Variants in ENDOU observed in about 807,000 individuals in gnomAD.
The protein encoded by ENDOU is endonuclease, poly(U) specific.
Under a neutral mutation model 54.2 loss-of-function variants are expected in ENDOU, and 49 were observed. The observed-to-expected ratio is 0.90, with a 90% CI of 0.72 to 1.15. The LOEUF (loss-of-function observed/expected upper bound fraction) is 1.15. Among genes scored for constraint, ENDOU ranks in the 50% most tolerant of loss-of-function variants. The pLI, the probability that ENDOU is intolerant of heterozygous loss-of-function variation, is 0.00. For synonymous variants in ENDOU, 172 were observed against 190.5 expected, an observed-to-expected ratio of 0.90 and a Z score of 0.80; for missense variants, 458 against 511.4, an observed-to-expected ratio of 0.90 and a Z score of 1.01.
chr12:47,723,568 C>T (rs568198806), intron 1 of ENDOU, among the ~76,000 whole-genome samples: 1 of 152,264 alleles, frequency 6.6e-6, no homozygotes, highest in East Asian at 1.9e-4. Context: ...TCAGATTCTC[C>T]CTCCATTCCC....
rs774424563 is a variant in ENDOU at position 47,710,572 on chromosome 12, G to C, written c.*230C>G. 16 of 461,334 alleles carry C rather than the reference G, an allele frequency of 3.5e-5. No homozygotes were observed. The highest frequency in any genetic ancestry group is 6.0e-4 in the Middle Eastern group (1 of 1,664). The allele number at this position is 461,334 out of a possible 1,614,324, so 28.6% of individuals were successfully genotyped here. A position where few individuals can be genotyped will look rare whatever the true frequency, so the allele number is the denominator to read the frequency against. On this transcript the variant is annotated 3_prime_UTR_variant, in exon 10 of 10. Transcript: ENST00000422538. ...TTCTCTGCTTGGACTCTGTTTCTTA[G>C]TCAACATTGCCAAAATTCTAGAGGA...
chr12:47,712,442 G>T, intron 8 of ENDOU, 74 bp downstream of exon 8: 2 of 1,183,490 alleles, frequency 1.7e-6, no homozygotes, highest in Non-Finnish European at 2.5e-6. Flanking sequence ...TGAGAGGCAA[G>T]TCGACAGTTT....
Position 47,710,363 on chromosome 12 carries a change from GAAC to G in ENDOU, c.*436_*438del, listed in dbSNP as rs1258603365. ...AATTTCTATCAGCTGTTCTTCCTAAGAACAACTGAAAACACCTTCACAGTAAAA... is the reference window on the plus strand; with the variant it reads ...AATTTCTATCAGCTGTTCTTCCTAAGAACTGAAAACACCTTCACAGTAAAA... On this transcript the variant is annotated 3_prime_UTR_variant, in exon 10 of 10. Transcript: ENST00000422538. The G allele has an allele frequency of 6.5e-6, 1 of 153,878 alleles. No homozygotes were observed. Among genetic ancestry groups the G allele is most frequent in the African/African-American group, 2.4e-5 (1 of 41,428 alleles). 9.5% of individuals were successfully genotyped at this position (153,878 alleles called of 1,614,324 possible).
chr12:47,717,295 G>A (rs755466229), intron 4 of ENDOU, among the ~76,000 whole-genome samples: 32 of 152,206 alleles, frequency 2.1e-4, no homozygotes, highest in Non-Finnish European at 2.9e-4. Flanking sequence ...GGGGTCTCAC[G>A]CTTGAGCATG....
chr12:47,711,690 C>T lies in ENDOU; in HGVS notation c.1058G>A (p.Ser353Asn). 3.1e-6 allele frequency: 5 copies of T among 1,614,178 alleles called. No individual in the cohort carries two copies. The highest frequency in any genetic ancestry group is 4.2e-6 in the Non-Finnish European group (5 of 1,180,028). The change falls in exon 9 of 10, where the codon AGC becomes AAC. Residue 353 changes from serine (S) to asparagine (N), a missense_variant. Physicochemically the swap from Ser to Asn is conservative, Grantham distance 46. Transcript: ENST00000422538. Reference protein sequence around the residue: ...KEVGSAFIGSSPEFEFALYSL... With the variant: ...KEVGSAFIGSNPEFEFALYSL... ...GTAGAGTGCAAACTCAAACTCAGGG[C>T]TGCTGCCGATGAAAGCAGAGCCCAC... is the stretch of plus-strand genomic sequence containing the variant.
rs753849248 is a variant in ENDOU, at chr12:47,712,515, C to T, written c.972+1G>A. On this transcript the variant is annotated splice_donor_variant, in intron 8 of 9. Transcript: ENST00000422538. LOFTEE classifies it high-confidence loss of function. ...AAGGCTTTTCTAGTCCGTGTACTCA[C>T]AGGCCCATCGTAGATGTGACTGTAA... The T allele has an allele frequency of 7.5e-6, 12 of 1,608,812 alleles. No individual in the cohort carries two copies. The South Asian group carries it at 1.3e-4, about 18-fold the overall frequency.
chr12:47,713,154 G>T (rs1940095389), intron 7 of ENDOU, 121 bp downstream of exon 7: 1 of 712,048 alleles, frequency 1.4e-6, no homozygotes, highest in South Asian at 1.6e-5. Context: ...AGAGTGCGTG[G>T]GTCCCTCCCT....
chr12:47,712,852 T>C (rs145937748), intron 7 of ENDOU, among the ~76,000 whole-genome samples: 108 of 152,238 alleles, frequency 7.1e-4, no homozygotes, highest in Middle Eastern at 6.8e-3. Flanking sequence ...GTGATCCTGA[T>C]GACCTCTCTC....
At chr12:47,724,779 ATTC>A (rs1433808328) in intron 1 of ENDOU, among the ~76,000 whole-genome samples, 1 of 152,140 alleles carries the variant, frequency 6.6e-6, no homozygotes, top group Non-Finnish European at 1.5e-5. Flanking sequence ...TCCCTTCTGT[ATTC>A]TTCAATTCTC....
intron 1 of ENDOU, among the ~76,000 whole-genome samples, chr12:47,721,119 A>G (rs1940420575): frequency 6.6e-6 from 1 of 152,152 alleles, no homozygotes; most frequent in South Asian, 2.1e-4. Flanking sequence ...CCAAATCCCT[A>G]TTTGGGTTAG....
chr12:47,710,977 G>T, intron 9 of ENDOU, 58 bp from the exon 10 acceptor site: 1 of 1,204,964 alleles, frequency 8.3e-7, no homozygotes, highest in Non-Finnish European at 1.2e-6. Flanking sequence ...CCTCTCCCTG[G>T]GCTGGAAGGA....
At chr12:47,712,058 C>A (rs1482225719) in intron 8 of ENDOU, among the ~76,000 whole-genome samples, 1 of 152,150 alleles carries the variant, frequency 6.6e-6, no homozygotes, top group Non-Finnish European at 1.5e-5. Context: ...TATCACTGTT[C>A]CCAGTGGCCC....
intron 1 of ENDOU, among the ~76,000 whole-genome samples, chr12:47,722,559 A>G (rs931546069): frequency 4.6e-5 from 7 of 152,216 alleles, no homozygotes; most frequent in African/African-American, 1.2e-4. Context: ...AACGGTGGCA[A>G]TATTTCATGC....
rs965249433 is a variant in ENDOU, at chr12:47,713,161, C to T, written c.865+114G>A. The T allele has an allele frequency of 5.9e-5, 44 of 749,364 alleles. 1 individual carries two copies. The highest frequency in any genetic ancestry group is 1.0e-4 in the Non-Finnish European group (43 of 427,736). The allele number at this position is 749,364 out of a possible 1,614,324, so 46.4% of individuals were successfully genotyped here. On this transcript the variant is annotated intron_variant, in intron 7 of 9. Coordinates refer to ENST00000422538, the MANE Select transcript of ENDOU (RefSeq NM_001172439.2). ...GGCAGGGGAGAGTGCGTGGGTCCCT[C>T]CCTACTAGCTGGCTGGACTGCTGAT...
intron 1 of ENDOU, among the ~76,000 whole-genome samples, chr12:47,724,173 G>A (rs1477335248): frequency 1.3e-5 from 2 of 152,104 alleles, no homozygotes; most frequent in Non-Finnish European, 2.9e-5. Context: ...TGCCAAGCCC[G>A]CTGGCCACCC....
In ENDOU at chr12:47,716,149, T is replaced by C. The variant is rs1283179071; in HGVS notation, c.751+151A>G. ...TCCTAACCTCTCCTTGGCTTCCCCC[T>C]GGCCTCATCCCTCATCCCTCCCAGA... is the stretch of plus-strand genomic sequence containing the variant. On this transcript the variant is annotated intron_variant, in intron 6 of 9. Coordinates refer to ENST00000422538, the MANE Select transcript of ENDOU (RefSeq NM_001172439.2). 4.5e-5 allele frequency: 34 copies of C among 763,970 alleles called. No individual in the cohort carries two copies. In the East Asian group the frequency reaches 8.4e-4, roughly 19 times the overall value. The allele number at this position is 763,970 out of a possible 1,614,324, so 47.3% of individuals were successfully genotyped here.
At chr12:47,721,492 C>A (rs1035241914) in intron 1 of ENDOU, among the ~76,000 whole-genome samples, 3 of 152,146 alleles carry the variant, frequency 2.0e-5, no homozygotes, top group Non-Finnish European at 4.4e-5. Flanking sequence ...ATGTTATTTG[C>A]TTCTTTGCTC....
chr12:47,724,206 C>A (rs1464100337), intron 1 of ENDOU, among the ~76,000 whole-genome samples: 1 of 152,210 alleles, frequency 6.6e-6, no homozygotes, highest in East Asian at 1.9e-4. Flanking sequence ...CCCCCAAGTT[C>A]CACCTTCCTC....
At position 47,712,537 on chromosome 12, in the gene ENDOU, G is replaced by A. The variant is rs7137511; in HGVS notation, c.951C>T (p.Tyr317=). ...TCACAGGCCCATCGTAGATGTGACT[G>A]TAATAGTCAACCAGACCCTCCTTCT... is the stretch of plus-strand genomic sequence containing the variant. ...LEEKEGLVDY[Y]SHIYDGPWDS... is the part of the protein sequence containing the mutation. Residue 317 remains tyrosine, a synonymous_variant, in exon 8 of 10, where the codon TAC becomes TAT. Coordinates refer to ENST00000422538, the MANE Select transcript of ENDOU (RefSeq NM_001172439.2). 2,646 of 1,613,582 alleles carry A rather than the reference G, an allele frequency of 1.6e-3. 43 individuals carry two copies. The African/African-American group carries it at 0.031, about 19-fold the overall frequency.
Sources: gnomAD v4.1 joint callset for allele counts (sites outside exome capture counted in the v4.1 genomes callset) on GRCh38, gnomAD v4.1.1 for gene constraint, MANE v1.5 for transcripts, NCBI Gene and HGNC (gene_info 2026-07-23, HGNC 2026-07-21) for gene names.